Variants in CNBD1 observed in about 807,000 individuals in gnomAD.
CNBD1 encodes cyclic nucleotide-binding domain-containing protein 1.
A neutral mutation model predicts 54.4 loss-of-function variants in CNBD1; 71 were observed. The observed-to-expected ratio is 1.30, with a 90% CI of 1.08 to 1.59. The LOEUF (loss-of-function observed/expected upper bound fraction) is 1.59. Among genes scored for constraint, CNBD1 ranks in the 40% most tolerant of loss-of-function variants. CNBD1 has a pLI of 0.00. For synonymous variants in CNBD1, 182 were observed against 170.7 expected, an observed-to-expected ratio of 1.07 and a Z score of -0.51; for missense variants, 659 against 518.0, an observed-to-expected ratio of 1.27 and a Z score of -2.64.
intron 3 of CNBD1, among the ~76,000 whole-genome samples, chr8:86,921,887 T>A (rs1809280760): frequency 6.6e-6 from 1 of 152,090 alleles, no homozygotes; most frequent in Non-Finnish European, 1.5e-5. Context: ...AGGGCCTCTG[T>A]GCTCAGAGCT....
intron 4 of CNBD1, among the ~76,000 whole-genome samples, chr8:87,072,924 C>T (rs1421411422): frequency 1.3e-5 from 2 of 152,062 alleles, no homozygotes; most frequent in Admixed American, 6.6e-5. Flanking sequence ...TTCCACTCTC[C>T]CTGTCTCTTT....
rs143614239 is a variant in CNBD1 at position 87,163,304 on chromosome 8, G to A, written c.432-42689G>A. On this transcript the variant is annotated intron_variant, in intron 4 of 10. Transcript: ENST00000518476. The surrounding 1 kb of genome is among the most constrained non-coding windows in gnomAD (Gnocchi z 4.5). ...GCTCAAGATTGCTTTGCCTATTCAG[G>A]ATATTTTCTGCTTCCATATGAATTT... Among the ~76,000 whole-genome samples, 786 of 151,740 alleles carry A rather than the reference G, an allele frequency of 5.2e-3. 3 individuals carry two copies. Among genetic ancestry groups the A allele is most frequent in the African/African-American group, 0.018 (753 of 41,424 alleles).
At chr8:87,177,924 T>C (rs1436963941) in intron 4 of CNBD1, among the ~76,000 whole-genome samples, 1 of 152,142 alleles carries the variant, frequency 6.6e-6, no homozygotes, top group Non-Finnish European at 1.5e-5. Context: ...TGAGTGTGGG[T>C]AGTTGTGGAA....
At chr8:86,999,413 G>A (rs1180419407) in intron 4 of CNBD1, among the ~76,000 whole-genome samples, 1 of 152,094 alleles carries the variant, frequency 6.6e-6, no homozygotes, top group Admixed American at 6.5e-5. Context: ...TGTGAGCAAT[G>A]CATCTACTAG....
intron 8 of CNBD1, among the ~76,000 whole-genome samples, chr8:87,307,762 A>ATATATATATT (rs1174008693): frequency 6.7e-6 from 1 of 149,394 alleles, no homozygotes; most frequent in East Asian, 1.9e-4. Context: ...ATATATATAT[A>ATATATATATT]TATAACTTAG....
chr8:86,915,497 A>G (rs776771475), intron 3 of CNBD1, among the ~76,000 whole-genome samples: 4 of 152,196 alleles, frequency 2.6e-5, no homozygotes, highest in African/African-American at 9.6e-5. Context: ...ATTATCATTT[A>G]AACTATAAAC....
In CNBD1 at chr8:87,286,548, A is replaced by C. The variant is rs1808701124; in HGVS notation, c.919A>C (p.Lys307Gln). The C allele has an allele frequency of 7.0e-7, 1 of 1,430,622 alleles. No homozygotes were observed. The highest frequency in any genetic ancestry group is 1.4e-5 in the African/African-American group (1 of 70,472). 88.6% of individuals were successfully genotyped at this position (1,430,622 alleles called of 1,614,324 possible). ...TGACATTCTGTTTTAGGAAAAAATAAAACTTGAAAATATGCAAAAGTTGAA... is the reference window on the plus strand; with the variant it reads ...TGACATTCTGTTTTAGGAAAAAATACAACTTGAAAATATGCAAAAGTTGAA... ...GYAKIKEEKI[K>Q]LENMQKLKLI... The change falls in exon 8 of 11, where the codon AAA (lysine) becomes CAA (glutamine). Residue 307 changes from lysine (K) to glutamine (Q), a missense_variant. Transcript: ENST00000518476.
intron 8 of CNBD1, among the ~76,000 whole-genome samples, chr8:87,343,400 G>C (rs112105332): frequency 3.9e-5 from 6 of 152,114 alleles, no homozygotes; most frequent in Admixed American, 2.6e-4. Flanking sequence ...AAAGACAGGC[G>C]TAAGAAATTA....
chr8:86,915,217 C>T (rs1445727282), intron 3 of CNBD1, among the ~76,000 whole-genome samples: 1 of 146,332 alleles, frequency 6.8e-6, no homozygotes, highest in Non-Finnish European at 1.5e-5. Flanking sequence ...CTGGGTGGGG[C>T]CACAGGAGCA....
intron 4 of CNBD1, among the ~76,000 whole-genome samples, chr8:87,017,092 C>G (rs1809372252): frequency 1.3e-5 from 2 of 152,084 alleles, no homozygotes; most frequent in Admixed American, 6.6e-5. Context: ...AGATGCAACC[C>G]CCTGCTGGGA....
chr8:86,939,403 A>C (rs1302824388), intron 3 of CNBD1, among the ~76,000 whole-genome samples, 193 bp from the exon 4 acceptor site: 2 of 152,160 alleles, frequency 1.3e-5, no homozygotes, highest in Non-Finnish European at 2.9e-5. Context: ...TCCAAGTTCT[A>C]CATGTAACAG....
chr8:86,867,865 T>C (rs1808386683), intron 1 of CNBD1, among the ~76,000 whole-genome samples: 1 of 152,226 alleles, frequency 6.6e-6, no homozygotes, highest in African/African-American at 2.4e-5. Flanking sequence ...ACTTAACTTC[T>C]GTGAAGTGAT....
At chr8:87,262,521 T>C (rs893234533) in intron 6 of CNBD1, among the ~76,000 whole-genome samples, 1 of 152,132 alleles carries the variant, frequency 6.6e-6, no homozygotes, top group Non-Finnish European at 1.5e-5. Context: ...CTACTGATAA[T>C]CTGAATAAAA....
At chr8:87,032,173 G>GT (rs1377238759) in intron 4 of CNBD1, among the ~76,000 whole-genome samples, 3 of 152,130 alleles carry the variant, frequency 2.0e-5, no homozygotes, top group African/African-American at 7.2e-5. Flanking sequence ...AATCTAGTCA[G>GT]TTTTTTAAAA....
Position 86,866,523 on chromosome 8 carries a change from AT to A in CNBD1, c.32del (p.Leu11CysfsTer4). Reference sequence around the variant, plus strand: ...GCCGATGTCTTCTCTTCCAGCAGCTATTTTGTCTCACATGACAGCTATTAAC... The same window carrying A: ...GCCGATGTCTTCTCTTCCAGCAGCTATTTGTCTCACATGACAGCTATTAAC... MPMSSLPAA[I>X]LSHMTAINNV... On this transcript the variant is annotated frameshift_variant, in exon 1 of 11. Transcript: ENST00000518476. LOFTEE classifies it high-confidence loss of function. 6.2e-7 allele frequency: 1 copy of A among 1,612,172 alleles called. No individual in the cohort carries two copies. The highest frequency in any genetic ancestry group is 8.5e-7 in the Non-Finnish European group (1 of 1,179,266).
At chr8:87,372,842 G>T (rs1428216113) in intron 10 of CNBD1, among the ~76,000 whole-genome samples, 1 of 151,524 alleles carries the variant, frequency 6.6e-6, no homozygotes, top group Admixed American at 6.6e-5. Flanking sequence ...TTTATAGATG[G>T]TATAAGCCAT....
chr8:87,219,351 C>A (rs1055929955), intron 5 of CNBD1, among the ~76,000 whole-genome samples: 1 of 152,024 alleles, frequency 6.6e-6, no homozygotes, highest in Non-Finnish European at 1.5e-5. Context: ...AACAGACTCT[C>A]ATCAGCACAT....
At chr8:87,256,083 T>C (rs1258880202) in intron 6 of CNBD1, among the ~76,000 whole-genome samples, 2 of 134,732 alleles carry the variant, frequency 1.5e-5, no homozygotes, top group Non-Finnish European at 3.1e-5. Flanking sequence ...AGTGCAATGG[T>C]ATGATCTCAG....
chr8:87,356,453 C>T (rs1810422279), intron 10 of CNBD1, among the ~76,000 whole-genome samples: 1 of 152,132 alleles, frequency 6.6e-6, no homozygotes, highest in African/African-American at 2.4e-5. Context: ...TTGCTATGCC[C>T]TAGCAAAAAT....
Sources: allele counts gnomAD v4.1 joint callset (sites outside exome capture counted in the v4.1 genomes callset), GRCh38; gene constraint gnomAD v4.1.1; non-coding constraint Gnocchi (gnomAD v3.1); transcripts MANE v1.5; gene names NCBI Gene and HGNC (gene_info 2026-07-23, HGNC 2026-07-21).